Variants in CADPS2 observed in about 807,000 individuals in gnomAD.
CADPS2 encodes calcium dependent secretion activator 2, also known as calcium-dependent secretion activator 2.
In CADPS2, 93 loss-of-function variants were observed where a neutral mutation model predicts 172.5. That is an observed-to-expected ratio of 0.54 (90% CI 0.46 to 0.64). The LOEUF is 0.64. CADPS2 is among the 30% of genes least tolerant of loss of function. CADPS2 has a pLI of 0.00. For missense variants in CADPS2, 1,420 were observed against 1,565.9 expected (o/e 0.91, Z 1.57); for synonymous variants, 546 against 555.2 (o/e 0.98, Z 0.23).
chr7:122,702,835 C>T (rs73220287), intron 2 of CADPS2: 18,863 of 1,005,978 alleles, frequency 0.019, 224 homozygotes, highest in Non-Finnish European at 0.022. Context: ...AGCTTGTTGG[C>T]GGCAGATTAC....
At chr7:122,738,401 GC>G (rs2092296000) in intron 1 of CADPS2, among the ~76,000 whole-genome samples, 1 of 150,776 alleles carries the variant, frequency 6.6e-6, no homozygotes, top group Admixed American at 6.6e-5. Flanking sequence ...TAATGCAGAA[GC>G]TTTTTTTTTT....
At chr7:122,666,345 A>AC (rs2081188564) in intron 2 of CADPS2, among the ~76,000 whole-genome samples, 1 of 59,512 alleles carries the variant, frequency 1.7e-5, no homozygotes, top group African/African-American at 5.6e-5. Flanking sequence ...GTCTGCTAAC[A>AC]CTTTTTTTTT....
intron 14 of CADPS2, among the ~76,000 whole-genome samples, chr7:122,469,215 T>C (rs550463892): frequency 6.6e-6 from 1 of 152,252 alleles, no homozygotes; most frequent in Non-Finnish European, 1.5e-5. Flanking sequence ...TTATAATGAG[T>C]CTCAAACACA....
chr7:122,620,153 T>C (rs2075420863), intron 5 of CADPS2, among the ~76,000 whole-genome samples: 2 of 152,190 alleles, frequency 1.3e-5, no homozygotes, highest in African/African-American at 4.8e-5. Context: ...TGTATTTACT[T>C]TTCTTTGTCA....
intron 11 of CADPS2, among the ~76,000 whole-genome samples, chr7:122,487,275 T>C (rs1453125413): frequency 6.6e-6 from 1 of 151,954 alleles, no homozygotes; most frequent in Non-Finnish European, 1.5e-5. Flanking sequence ...CCTCCCAAAG[T>C]GCTAGGATTA....
Position 122,474,628 on chromosome 7 carries a change from T to C in CADPS2, c.1862-111A>G. On this transcript the variant is annotated intron_variant, in intron 12 of 29. Coordinates refer to ENST00000449022, the MANE Select transcript of CADPS2 (RefSeq NM_017954.11). ...GACTCAAGCAGAAGACTACCTTTTA[T>C]CACATGAAATATGATGCCAAGAGTT... 8 of 978,714 alleles carry C rather than the reference T, an allele frequency of 8.2e-6. No individual in the cohort carries two copies. The South Asian group carries it at 1.4e-4, about 17-fold the overall frequency. The allele number at this position is 978,714 out of a possible 1,614,324, so 60.6% of individuals were successfully genotyped here.
chr7:122,705,888 A>AATATAAT (rs1564124138), intron 2 of CADPS2, among the ~76,000 whole-genome samples: 139 of 1,836 alleles, frequency 0.076, 60 homozygotes, highest in African/African-American at 0.18. Context: ...TAATATAATA[A>AATATAAT]ATATAATATA....
intron 1 of CADPS2, among the ~76,000 whole-genome samples, chr7:122,795,676 A>G (rs1796216804): frequency 6.6e-6 from 1 of 152,216 alleles, no homozygotes; most frequent in Admixed American, 6.5e-5. Context: ...TTCATGTTAA[A>G]AACTATCAAT....
intron 16 of CADPS2, among the ~76,000 whole-genome samples, chr7:122,440,949 T>C (rs2051266442): frequency 6.6e-6 from 1 of 152,134 alleles, no homozygotes; most frequent in Admixed American, 6.6e-5. Context: ...TAAAAAATGA[T>C]TTTTTTCACC....
intron 2 of CADPS2, among the ~76,000 whole-genome samples, chr7:122,707,764 C>A (rs943765816): frequency 6.6e-6 from 1 of 151,438 alleles, no homozygotes; most frequent in Non-Finnish European, 1.5e-5. Context: ...TTTCTGAAAG[C>A]AGAATCTTTA....
rs570737628 is a variant in CADPS2 at position 122,742,559 on chromosome 7, CAG to C, written c.340-5493_340-5492del. Among the ~76,000 whole-genome samples, 625 of 152,226 alleles carry C rather than the reference CAG, an allele frequency of 4.1e-3. 2 individuals carry two copies. The highest frequency in any genetic ancestry group is 8.4e-3 in the Admixed American group (128 of 15,288). On this transcript the variant is annotated intron_variant, in intron 1 of 29. Transcript: ENST00000449022. ...CATTCTCTTAGGATAGTGTGGCCAA[CAG>C]AGAGATAAGTGAGAGGGCCACTTCC...
rs75301916 is a variant in CADPS2 at position 122,579,347 on chromosome 7, T to C, written c.1335+1832A>G. 7.5e-3 allele frequency among the ~76,000 whole-genome samples: 1,139 copies of C among 151,322 alleles called. 11 individuals are homozygous for C. The highest frequency in any genetic ancestry group is 0.026 in the African/African-American group (1,075 of 41,280). On this transcript the variant is annotated intron_variant, in intron 7 of 29. Coordinates refer to ENST00000449022, the MANE Select transcript of CADPS2 (RefSeq NM_017954.11). ...AGAATTACCCTGCTCAAAACATCAA[T>C]AGTGCTAAGGTTGGGAAACCCTGTA...
rs189646759 is a variant in CADPS2 at position 122,847,308 on chromosome 7, A to G, written c.339+38691T>C. On this transcript the variant is annotated intron_variant, in intron 1 of 29. Coordinates refer to ENST00000449022, the MANE Select transcript of CADPS2 (RefSeq NM_017954.11). ...TGCCATGTTGGCCAGGCTGGTCTAG[A>G]ACTCCTGAGCTCAAGCAATCCTCCC... Among the ~76,000 whole-genome samples the G allele has an allele frequency of 3.1e-4, 47 of 152,206 alleles. No homozygotes were observed. The East Asian group carries it at 6.8e-3, about 22-fold the overall frequency.
intron 1 of CADPS2, among the ~76,000 whole-genome samples, chr7:122,845,149 T>G (rs975244742): frequency 6.6e-6 from 1 of 152,126 alleles, no homozygotes; most frequent in East Asian, 1.9e-4. Flanking sequence ...AGCAGGATAA[T>G]AAACATAAAA....
chr7:122,758,940 A>G (rs1207383541), intron 1 of CADPS2, among the ~76,000 whole-genome samples: 10 of 152,132 alleles, frequency 6.6e-5, no homozygotes, highest in African/African-American at 2.2e-4. Flanking sequence ...ACGTTTGTTT[A>G]GAAGAAAAAT....
chr7:122,657,579 T>C (rs2079962195), intron 3 of CADPS2, among the ~76,000 whole-genome samples: 1 of 152,190 alleles, frequency 6.6e-6, no homozygotes, highest in Non-Finnish European at 1.5e-5. Context: ...CAATTGTGAA[T>C]AGGAGTTCAT....
intron 1 of CADPS2, among the ~76,000 whole-genome samples, chr7:122,841,894 A>T (rs1448118353): frequency 6.6e-6 from 1 of 152,180 alleles, no homozygotes; most frequent in Non-Finnish European, 1.5e-5. Flanking sequence ...TTCCAGCGTG[A>T]CCACTCAATA....
chr7:122,625,871 A>G (rs1460524591), intron 4 of CADPS2, among the ~76,000 whole-genome samples: 1 of 152,084 alleles, frequency 6.6e-6, no homozygotes, highest in Admixed American at 6.6e-5. Flanking sequence ...TATTATATCT[A>G]CCTAGATATT....
At position 122,705,827 on chromosome 7, in the gene CADPS2, AT is replaced by A. The variant is rs1435420179; in HGVS notation, c.453+31127del. On this transcript the variant is annotated intron_variant, in intron 2 of 29. Transcript: ENST00000449022. ...ATATATATGATATATAATAATATAT[AT>A]TTATATATAATATATATTATATAAC... 1.3e-3 allele frequency among the ~76,000 whole-genome samples: 24 copies of A among 18,014 alleles called. 2 individuals carry two copies. The highest frequency in any genetic ancestry group is 3.0e-3 in the African/African-American group (22 of 7,232). The allele number at this position is 18,014 out of a possible 152,430, so 11.8% of individuals were successfully genotyped here.
Sources: gnomAD v4.1 joint callset for allele counts (sites outside exome capture counted in the v4.1 genomes callset) on GRCh38, gnomAD v4.1.1 for gene constraint, MANE v1.5 for transcripts, NCBI Gene and HGNC (gene_info 2026-07-23, HGNC 2026-07-21) for gene names.